The following PPFIA2 variants were observed in gnomAD, a reference collection of about 807,000 sequenced individuals.
PPFIA2 encodes the protein liprin-alpha-2.
PPFIA2 carries 46 observed loss-of-function variants against 175.5 expected under a neutral mutation model. That is an observed-to-expected ratio of 0.26 (90% CI 0.21 to 0.34). The LOEUF is 0.34. Ranked by LOEUF, PPFIA2 falls within the 10% of genes least tolerant of loss-of-function variation. PPFIA2 has a pLI of 1.00. For missense variants in PPFIA2, 1,179 were observed against 1,506.1 expected, an observed-to-expected ratio of 0.78 and a Z score of 3.60; for synonymous variants, 568 against 511.4, an observed-to-expected ratio of 1.11 and a Z score of -1.49.
At chr12:81,676,935 A>G in intron 3 of PPFIA2, 91 bp from the exon 4 acceptor site, 1 of 862,300 alleles carries the variant, frequency 1.2e-6, no homozygotes, top group Non-Finnish European at 1.7e-6. Flanking sequence ...TTTAGCTGCA[A>G]AGTTAGGGCA....
chr12:81,384,472 T>C (rs1263315653), intron 8 of PPFIA2, among the ~76,000 whole-genome samples: 1 of 152,052 alleles, frequency 6.6e-6, no homozygotes. Context: ...GTATTTGAAA[T>C]ATGCTATGCT....
At chr12:81,527,705 T>G (rs757711474) in intron 4 of PPFIA2, among the ~76,000 whole-genome samples, 2 of 152,134 alleles carry the variant, frequency 1.3e-5, no homozygotes, top group Non-Finnish European at 2.9e-5. Context: ...CAAATTCGTA[T>G]GTTGGAACTC....
chr12:81,575,626 A>G (rs977077850), intron 4 of PPFIA2, among the ~76,000 whole-genome samples: 1 of 151,806 alleles, frequency 6.6e-6, no homozygotes, highest in Non-Finnish European at 1.5e-5. Flanking sequence ...AATATATATA[A>G]ATGTATAATT....
intron 27 of PPFIA2, among the ~76,000 whole-genome samples, chr12:81,278,176 G>C (rs958748542): frequency 2.6e-5 from 4 of 152,172 alleles, no homozygotes; most frequent in Non-Finnish European, 5.9e-5. Context: ...CTTAAATTGT[G>C]TTTAAGTATG....
At chr12:81,329,716 C>T (rs894999015) in intron 21 of PPFIA2, among the ~76,000 whole-genome samples, 5 of 152,266 alleles carry the variant, frequency 3.3e-5, no homozygotes, top group Middle Eastern at 3.4e-3. Context: ...CGTAGAGTGT[C>T]AAAGAAAACC....
At chr12:81,373,055 T>C (rs61373152) in intron 11 of PPFIA2, among the ~76,000 whole-genome samples, 4,541 of 151,894 alleles carry the variant, frequency 0.03, 211 homozygotes, top group African/African-American at 0.1. Context: ...GTATTTAATA[T>C]AGTGTTTTTT....
chr12:81,635,790 CAT>C, intron 4 of PPFIA2, among the ~76,000 whole-genome samples: 1 of 152,264 alleles, frequency 6.6e-6, no homozygotes, highest in East Asian at 1.9e-4. Context: ...AGTCTCCTAA[CAT>C]AATTTCTGCC....
intron 4 of PPFIA2, among the ~76,000 whole-genome samples, chr12:81,663,037 T>C (rs1459322241): frequency 1.3e-5 from 2 of 152,218 alleles, no homozygotes; most frequent in Admixed American, 6.5e-5. Flanking sequence ...AAATTAGGTA[T>C]TGATGGGACA....
intron 3 of PPFIA2, among the ~76,000 whole-genome samples, chr12:81,713,147 TATG>T (rs1222601337): frequency 6.6e-6 from 1 of 151,128 alleles, no homozygotes; most frequent in Non-Finnish European, 1.5e-5. Flanking sequence ...TATTAGAAAA[TATG>T]ATAAATAATA....
chr12:81,313,995 A>G, intron 22 of PPFIA2, among the ~76,000 whole-genome samples: 1 of 152,008 alleles, frequency 6.6e-6, no homozygotes, highest in Middle Eastern at 3.2e-3. Flanking sequence ...AGCATTGCAC[A>G]AATTTCTAAT....
intron 4 of PPFIA2, among the ~76,000 whole-genome samples, chr12:81,517,088 C>T (rs375085455): frequency 3.3e-5 from 5 of 149,862 alleles, no homozygotes; most frequent in Non-Finnish European, 7.4e-5. Flanking sequence ...CAGCATTTTT[C>T]CTTAACCCCA....
chr12:81,708,059 T>G (rs1163258190), intron 3 of PPFIA2, among the ~76,000 whole-genome samples: 1 of 147,866 alleles, frequency 6.8e-6, no homozygotes, highest in Non-Finnish European at 1.5e-5. Context: ...CATTGGGAGA[T>G]ATACCTAATG....
intron 4 of PPFIA2, among the ~76,000 whole-genome samples, chr12:81,647,855 CAT>C (rs1423820672): frequency 3.7e-5 from 5 of 134,868 alleles, no homozygotes; most frequent in Non-Finnish European, 7.8e-5. Context: ...TAATATATAA[CAT>C]ATATAATATA....
chr12:81,755,107 G>A (rs976544409), intron 2 of PPFIA2, among the ~76,000 whole-genome samples: 1 of 152,086 alleles, frequency 6.6e-6, no homozygotes, highest in African/African-American at 2.4e-5. Context: ...AATTATATTA[G>A]CTAATGTAGT....
At chr12:81,695,574 T>A (rs1477910364) in intron 3 of PPFIA2, among the ~76,000 whole-genome samples, 1 of 152,158 alleles carries the variant, frequency 6.6e-6, no homozygotes, top group Non-Finnish European at 1.5e-5. Context: ...TTAAACTTTT[T>A]TTCTTTGTAA....
chr12:81,669,800 G>C (rs534618340), intron 4 of PPFIA2, among the ~76,000 whole-genome samples: 1 of 152,072 alleles, frequency 6.6e-6, no homozygotes, highest in Non-Finnish European at 1.5e-5. Flanking sequence ...ATCATCGTAA[G>C]GGAAGGAAGT....
intron 4 of PPFIA2, among the ~76,000 whole-genome samples, chr12:81,661,415 C>A (rs2068845329): frequency 6.6e-6 from 1 of 152,126 alleles, no homozygotes. Flanking sequence ...TCTGGTAAAA[C>A]AGACTTTAAA....
At chr12:81,675,150 A>G (rs1484234392) in intron 4 of PPFIA2, among the ~76,000 whole-genome samples, 1 of 151,544 alleles carries the variant, frequency 6.6e-6, no homozygotes, top group Non-Finnish European at 1.5e-5. Flanking sequence ...AAAAGAAAAA[A>G]ATCTATCTAT....
intron 7 of PPFIA2, among the ~76,000 whole-genome samples, chr12:81,421,770 T>G (rs1263456703): frequency 6.6e-6 from 1 of 151,800 alleles, no homozygotes; most frequent in East Asian, 1.9e-4. Flanking sequence ...AGGAAAAAAA[T>G]AATATAACAA....
Sources: gnomAD v4.1 joint callset for allele counts (sites outside exome capture counted in the v4.1 genomes callset) on GRCh38, gnomAD v4.1.1 for gene constraint, MANE v1.5 for transcripts, NCBI Gene and HGNC (gene_info 2026-07-23, HGNC 2026-07-21) for gene names.